Variants in MYRFL observed in about 807,000 individuals in gnomAD.
MYRFL encodes the protein myelin regulatory factor like, also known as myelin regulatory factor-like protein.
MYRFL carries 88 observed loss-of-function variants against 109.4 expected under a neutral mutation model. The ratio of observed to expected loss-of-function variants is 0.80; its 90% CI spans 0.68 to 0.96. The LOEUF (loss-of-function observed/expected upper bound fraction) is 0.96. Ranked by LOEUF, MYRFL falls within the 40% of genes least tolerant of loss-of-function variation. MYRFL has a pLI of 0.00. For missense variants in MYRFL, 957 were observed against 954.9 expected, an observed-to-expected ratio of 1.00 and a Z score of -0.03; for synonymous variants, 324 against 320.9, an observed-to-expected ratio of 1.01 and a Z score of -0.10.
intron 5 of MYRFL, among the ~76,000 whole-genome samples, chr12:69,885,639 A>G (rs7309381): frequency 0.15 from 22,395 of 152,210 alleles, 1,906 homozygotes; most frequent in South Asian, 0.23. Context: ...ACCATTTTAC[A>G]TAAAAATTAT....
chr12:69,879,531 G>C, intron 4 of MYRFL, 78 bp downstream of exon 4: 1 of 639,434 alleles, frequency 1.6e-6, no homozygotes, highest in Non-Finnish European at 2.8e-6. Flanking sequence ...GGCACCTAGA[G>C]AGAATGCACA....
At chr12:69,875,434 G>T (rs1885601509) in intron 2 of MYRFL, among the ~76,000 whole-genome samples, 1 of 152,102 alleles carries the variant, frequency 6.6e-6, no homozygotes, top group South Asian at 2.1e-4. Context: ...CTGCTTTAAA[G>T]ATCCTTGTCT....
chr12:69,958,608 C>A lies in MYRFL; in HGVS notation c.*77C>A. Reference sequence around the variant, plus strand: ...AACAGAAACGAACATCCTCTTGCAACTTCTTTTTTCTTCTTTGTAAAACAT... The same window carrying A: ...AACAGAAACGAACATCCTCTTGCAAATTCTTTTTTCTTCTTTGTAAAACAT... On this transcript the variant is annotated 3_prime_UTR_variant, in exon 25 of 25. Coordinates refer to ENST00000552032, the MANE Select transcript of MYRFL (RefSeq NM_182530.3). 1 of 1,013,054 alleles carries A rather than the reference C, an allele frequency of 9.9e-7. No homozygotes were observed. The highest frequency in any genetic ancestry group is 1.4e-6 in the Non-Finnish European group (1 of 704,210). 62.8% of individuals were successfully genotyped at this position (1,013,054 alleles called of 1,614,324 possible).
At chr12:69,825,966 A>G (rs943453587) in intron 1 of MYRFL, among the ~76,000 whole-genome samples, 2 of 152,220 alleles carry the variant, frequency 1.3e-5, no homozygotes, top group African/African-American at 2.4e-5. Context: ...ATGAGGGAGT[A>G]TGAGAAGAAG....
At chr12:69,846,920 G>A (rs1165089138) in intron 1 of MYRFL, among the ~76,000 whole-genome samples, 1 of 151,710 alleles carries the variant, frequency 6.6e-6, no homozygotes, top group Non-Finnish European at 1.5e-5. Flanking sequence ...TCTCATTGTG[G>A]TTTTGATTTG....
chr12:69,852,795 G>C (rs562960089), intron 1 of MYRFL, among the ~76,000 whole-genome samples: 4 of 151,958 alleles, frequency 2.6e-5, no homozygotes, highest in African/African-American at 4.8e-5. Context: ...GACTCTTAAC[G>C]AGCGTGCTGC....
chr12:69,909,921 T>C, intron 11 of MYRFL, 48 bp from the exon 12 acceptor site: 2 of 1,309,104 alleles, frequency 1.5e-6, no homozygotes, highest in Non-Finnish European at 1.0e-6. Flanking sequence ...TTAATTTGAA[T>C]AGCAAATATC....
intron 19 of MYRFL, among the ~76,000 whole-genome samples, chr12:69,938,878 C>T (rs534080274): frequency 3.7e-3 from 556 of 152,198 alleles, no homozygotes; most frequent in East Asian, 7.6e-3. Flanking sequence ...TTGCCTCACC[C>T]GGGAAGCGCA....
At chr12:69,929,955 T>C (rs898321263) in intron 15 of MYRFL, among the ~76,000 whole-genome samples, 2 of 152,258 alleles carry the variant, frequency 1.3e-5, no homozygotes, top group African/African-American at 4.8e-5. Flanking sequence ...TAGGTTGTTA[T>C]TAATGTGTTC....
intron 1 of MYRFL, among the ~76,000 whole-genome samples, chr12:69,832,041 TA>T (rs879373253): frequency 4.6e-5 from 7 of 152,138 alleles, no homozygotes; most frequent in Non-Finnish European, 1.0e-4. Flanking sequence ...TTGGCACTAT[TA>T]AAGTTTAGGG....
chr12:69,879,156 C>T (rs1885890930), intron 3 of MYRFL, 39 bp from the exon 4 acceptor site: 1 of 702,752 alleles, frequency 1.4e-6, no homozygotes, highest in Non-Finnish European at 2.6e-6. Context: ...GACTCTGGGC[C>T]GTGAGAAAGG....
intron 2 of MYRFL, among the ~76,000 whole-genome samples, chr12:69,868,001 G>A (rs1019241138): frequency 3.9e-5 from 6 of 152,124 alleles, no homozygotes; most frequent in African/African-American, 1.2e-4. Context: ...CTGTTATTTA[G>A]AGGATAAACT....
At position 69,958,556 on chromosome 12, in the gene MYRFL, C is replaced by CAAAG. The variant is rs1185252817; in HGVS notation, c.*29_*32dup. The stretch of plus-strand genomic sequence containing the variant: ...ATTTGTTCAAGTTTGGGGACTTTAC[C>CAAAG]AAAGAAAAATACTCAGGAATACATT... On this transcript the variant is annotated 3_prime_UTR_variant, in exon 25 of 25. Transcript: ENST00000552032. 1.5e-5 allele frequency: 22 copies of CAAAG among 1,469,264 alleles called. No homozygotes were observed. The Middle Eastern group carries it at 5.9e-4, about 40-fold the overall frequency. The allele number at this position is 1,469,264 out of a possible 1,614,324, so 91.0% of individuals were successfully genotyped here.
intron 5 of MYRFL, 95 bp from the exon 6 acceptor site, chr12:69,886,725 T>G: frequency 7.0e-7 from 1 of 1,426,330 alleles, no homozygotes; most frequent in East Asian, 2.5e-5. Flanking sequence ...TCACTCTGCC[T>G]TACACATGGC....
chr12:69,857,221 T>C (rs1057347041), intron 2 of MYRFL, among the ~76,000 whole-genome samples: 9 of 151,958 alleles, frequency 5.9e-5, no homozygotes, highest in African/African-American at 1.9e-4. Context: ...TTTCCATTGA[T>C]CTACGTGCCT....
In MYRFL at chr12:69,926,123, T is replaced by TCTTCTTCTTC. The variant is rs1955069961; in HGVS notation, c.1603-448_1603-447insCTTCTTCTTC. The stretch of plus-strand genomic sequence containing the variant: ...GACTTTCTTTCTTCTTCTTCTTTTT[T>TCTTCTTCTTC]TTTTTTTTTTTTTTTTTTGAGATGG... On this transcript the variant is annotated intron_variant, in intron 13 of 24. Coordinates refer to ENST00000552032, the MANE Select transcript of MYRFL (RefSeq NM_182530.3). Among the ~76,000 whole-genome samples, 21 of 105,084 alleles carry TCTTCTTCTTC rather than the reference T, an allele frequency of 2.0e-4. 1 individual carries two copies. Among genetic ancestry groups the TCTTCTTCTTC allele is most frequent in the African/African-American group, 9.5e-4 (21 of 22,170 alleles). 68.9% of individuals were successfully genotyped at this position (105,084 alleles called of 152,430 possible).
intron 23 of MYRFL, 121 bp downstream of exon 23, chr12:69,958,063 C>T: frequency 2.2e-6 from 3 of 1,384,452 alleles, no homozygotes; most frequent in Non-Finnish European, 2.9e-6. Context: ...TCCTTGTGTC[C>T]TTATGAAGTT....
intron 12 of MYRFL, 142 bp from the exon 13 acceptor site, chr12:69,910,679 A>T: frequency 2.2e-6 from 1 of 444,546 alleles, no homozygotes; most frequent in Non-Finnish European, 3.8e-6. Flanking sequence ...AAACACTCCC[A>T]CTTTTAATCC....
intron 2 of MYRFL, among the ~76,000 whole-genome samples, chr12:69,869,725 C>T (rs1399534260): frequency 3.3e-5 from 5 of 152,084 alleles, no homozygotes; most frequent in Admixed American, 3.3e-4. Flanking sequence ...GATTGGATGG[C>T]TCAATTGTGA....
Sources: gnomAD v4.1 joint callset for allele counts (sites outside exome capture counted in the v4.1 genomes callset) on GRCh38, gnomAD v4.1.1 for gene constraint, MANE v1.5 for transcripts, NCBI Gene and HGNC (gene_info 2026-07-23, HGNC 2026-07-21) for gene names.